The following DPP6 variants were observed in gnomAD, a reference collection of about 807,000 sequenced individuals.
DPP6 encodes the protein dipeptidyl peptidase like 6, also known as A-type potassium channel modulatory protein DPP6.
Under a neutral mutation model 122.6 loss-of-function variants are expected in DPP6, and 69 were observed. The observed-to-expected ratio is 0.56, with a 90% CI of 0.46 to 0.69. The LOEUF is 0.69. Ranked by LOEUF, DPP6 falls within the 30% of genes least tolerant of loss-of-function variation. The pLI is 0.00. For missense variants in DPP6, 928 were observed against 1,116.9 expected, an observed-to-expected ratio of 0.83 and a Z score of 2.41; for synonymous variants, 418 against 433.1, an observed-to-expected ratio of 0.97 and a Z score of 0.43.
intron 8 of DPP6, among the ~76,000 whole-genome samples, chr7:154,757,214 C>T (rs116359859): frequency 0.016 from 2,365 of 152,074 alleles, 59 homozygotes; most frequent in African/African-American, 0.054. Context: ...CTGGGCAGCC[C>T]CTTCTCCATC....
intron 1 of DPP6, among the ~76,000 whole-genome samples, chr7:153,910,636 C>T (rs984875199): frequency 3.9e-5 from 6 of 152,290 alleles, no homozygotes; most frequent in African/African-American, 1.4e-4. Flanking sequence ...GACTTCACCT[C>T]TCACGTGCCT....
intron 21 of DPP6, 158 bp from the exon 22 acceptor site, chr7:154,885,473 CTT>C: frequency 5.0e-6 from 5 of 1,009,870 alleles, no homozygotes; most frequent in South Asian, 1.7e-5. Flanking sequence ...CTTTTCATCT[CTT>C]GTTACTGCCC....
intron 1 of DPP6, among the ~76,000 whole-genome samples, chr7:154,035,179 A>G (rs901332879): frequency 2.0e-5 from 3 of 152,230 alleles, no homozygotes; most frequent in Admixed American, 2.0e-4. Context: ...ATTGCTCACT[A>G]GCTCATCATT....
intron 16 of DPP6, among the ~76,000 whole-genome samples, chr7:154,834,540 A>G (rs1800897853): frequency 6.6e-6 from 1 of 152,184 alleles, no homozygotes; most frequent in African/African-American, 2.4e-5. Context: ...CGCTCTAATA[A>G]TGGCCAAGAA....
chr7:154,466,416 C>G (rs1821788208), intron 2 of DPP6, among the ~76,000 whole-genome samples: 2 of 152,170 alleles, frequency 1.3e-5, no homozygotes, highest in South Asian at 4.1e-4. Flanking sequence ...AGTCCAAGAT[C>G]AAGGTGTCAG....
intron 1 of DPP6, among the ~76,000 whole-genome samples, chr7:154,214,358 G>T (rs1254676401): frequency 1.3e-5 from 2 of 152,230 alleles, no homozygotes; most frequent in Non-Finnish European, 2.9e-5. Context: ...ATGTGCTCAT[G>T]GGTTCTCATG....
chr7:154,147,849 A>T lies in DPP6; in HGVS notation c.243+94786A>T, dbSNP rs1489591585. Reference sequence around the variant, plus strand: ...GTGAGCCGCAGCACCTGGCCTATTAATTTCTGTATTTGATTTTTTTTACAG... The same window carrying T: ...GTGAGCCGCAGCACCTGGCCTATTATTTTCTGTATTTGATTTTTTTTACAG... On this transcript the variant is annotated intron_variant, in intron 1 of 25. Transcript: ENST00000377770. Among the ~76,000 whole-genome samples, 5 of 152,130 alleles carry T rather than the reference A, an allele frequency of 3.3e-5. No individual in the cohort carries two copies. The South Asian group carries it at 1.0e-3, about 32-fold the overall frequency.
chr7:154,890,487 TCAAAG>T (rs1308795046), intron 25 of DPP6: 1 of 152,210 alleles, frequency 6.6e-6, no homozygotes, highest in African/African-American at 2.4e-5. Flanking sequence ...TCAGACTTTT[TCAAAG>T]TAAGTGTGGC....
intron 1 of DPP6, among the ~76,000 whole-genome samples, chr7:154,279,433 G>A (rs556971183): frequency 6.6e-6 from 1 of 152,172 alleles, no homozygotes; most frequent in Admixed American, 6.5e-5. Flanking sequence ...ACCCTTGGTG[G>A]TGGTATCATG....
chr7:154,273,418 G>T (rs1478614156), intron 1 of DPP6, among the ~76,000 whole-genome samples: 1 of 152,170 alleles, frequency 6.6e-6, no homozygotes, highest in Non-Finnish European at 1.5e-5. Flanking sequence ...TTTATTCTGT[G>T]CAACAAGACA....
intron 6 of DPP6, among the ~76,000 whole-genome samples, chr7:154,667,591 C>A (rs1563081771): frequency 6.6e-6 from 1 of 152,054 alleles, no homozygotes; most frequent in Admixed American, 6.5e-5. Flanking sequence ...GGCGTCGTGG[C>A]AGGTGCCTAT....
intron 1 of DPP6, chr7:154,093,598 C>CCACACACA (rs781121915): frequency 3.7e-5 from 5 of 135,026 alleles, no homozygotes; most frequent in South Asian, 2.7e-4. Context: ...ACACCATACC[C>CCACACACA]CACACACACA....
chr7:154,810,434 G>T (rs962485833), intron 16 of DPP6, among the ~76,000 whole-genome samples: 1 of 152,326 alleles, frequency 6.6e-6, no homozygotes, highest in Non-Finnish European at 1.5e-5. Context: ...TGCTTGGACA[G>T]AGTGTTAAAG....
chr7:154,525,408 T>G (rs1320630759), intron 3 of DPP6, among the ~76,000 whole-genome samples: 1 of 152,224 alleles, frequency 6.6e-6, no homozygotes, highest in African/African-American at 2.4e-5. Context: ...TTCTCCTACC[T>G]TGGCCTCCCA....
intron 7 of DPP6, among the ~76,000 whole-genome samples, chr7:154,689,590 T>C (rs984946072): frequency 6.6e-6 from 1 of 152,164 alleles, no homozygotes; most frequent in African/African-American, 2.4e-5. Flanking sequence ...GATTTTTGCG[T>C]CTGTGTTCAT....
At chr7:154,803,709 C>T (rs1339873500) in intron 13 of DPP6, among the ~76,000 whole-genome samples, 155 bp from the exon 14 acceptor site, 1 of 152,144 alleles carries the variant, frequency 6.6e-6, no homozygotes, top group Non-Finnish European at 1.5e-5. Context: ...GATGTTGCCT[C>T]CCAGGAGAGG....
intron 6 of DPP6, among the ~76,000 whole-genome samples, chr7:154,664,241 G>A (rs1032792247): frequency 2.2e-4 from 33 of 147,856 alleles, no homozygotes; most frequent in African/African-American, 6.2e-4. Flanking sequence ...TAGTGTTCAC[G>A]CGATCATGGT....
chr7:154,526,902 C>T (rs539872770), intron 3 of DPP6, among the ~76,000 whole-genome samples: 148 of 152,260 alleles, frequency 9.7e-4, no homozygotes, highest in Non-Finnish European at 1.7e-3. Flanking sequence ...GAGCTTGTGG[C>T]CCAGTGATTA....
intron 1 of DPP6, among the ~76,000 whole-genome samples, chr7:154,026,051 T>G (rs1266496784): frequency 1.4e-5 from 2 of 146,834 alleles, no homozygotes; most frequent in African/African-American, 2.5e-5. Flanking sequence ...GAAACCAGTT[T>G]GATGACTTTA....
Sources: allele counts gnomAD v4.1 joint callset (sites outside exome capture counted in the v4.1 genomes callset), GRCh38; gene constraint gnomAD v4.1.1; transcripts MANE v1.5; gene names NCBI Gene and HGNC (gene_info 2026-07-23, HGNC 2026-07-21).